The following ZNF658 variants were observed in gnomAD, a reference collection of about 807,000 sequenced individuals.
The protein encoded by ZNF658 is zinc finger protein 658.
Under a neutral mutation model 78.0 loss-of-function variants are expected in ZNF658, and 46 were observed. The observed-to-expected ratio is 0.59, with a 90% CI of 0.47 to 0.75. The LOEUF (loss-of-function observed/expected upper bound fraction) is 0.75. Ranked by LOEUF, ZNF658 falls within the 30% of genes least tolerant of loss-of-function variation. The pLI is 0.00. For missense variants in ZNF658, 785 were observed against 1,189.3 expected (o/e 0.66, Z 5.00); for synonymous variants, 279 against 408.4 (o/e 0.68, Z 3.82).
intron 2 of ZNF658, among the ~76,000 whole-genome samples, chr9:66,905,013 T>C (rs569269066): frequency 6.7e-6 from 1 of 148,580 alleles, no homozygotes; most frequent in South Asian, 2.1e-4. Context: ...AACACTCTGA[T>C]TCTCATGTCC....
intron 2 of ZNF658, among the ~76,000 whole-genome samples, chr9:66,904,814 T>C (rs1822035142): frequency 6.6e-6 from 1 of 152,096 alleles, no homozygotes; most frequent in African/African-American, 2.4e-5. Flanking sequence ...TCTCAGGTTT[T>C]GTTTACCTGG....
intron 6 of ZNF658, among the ~76,000 whole-genome samples, chr9:66,930,737 C>T (rs1341118610): frequency 6.6e-6 from 1 of 151,760 alleles, no homozygotes; most frequent in Non-Finnish European, 1.5e-5. Context: ...GTTGACTTTG[C>T]TGGGTTTTCT....
intron 4 of ZNF658, among the ~76,000 whole-genome samples, chr9:66,910,626 G>A (rs552938477): frequency 1.3e-3 from 197 of 152,100 alleles, no homozygotes; most frequent in Admixed American, 4.5e-3. Context: ...GGCTAACACG[G>A]TGAAACCCTG....
intron 4 of ZNF658, among the ~76,000 whole-genome samples, chr9:66,912,259 CGAA>C (rs1344353606): frequency 3.2e-5 from 3 of 93,228 alleles, no homozygotes; most frequent in African/African-American, 1.5e-4. Flanking sequence ...AACAAAAAGT[CGAA>C]TTCAGTTGGC....
downstream of ZNF658, among the ~76,000 whole-genome samples, chr9:66,922,499 T>G (rs1370035638): frequency 6.3e-4 from 75 of 119,594 alleles, no homozygotes; most frequent in Non-Finnish European, 6.6e-4. Context: ...GTAAATTTCT[T>G]TTAAAGATAA....
At chr9:66,904,260 A>G in intron 2 of ZNF658, among the ~76,000 whole-genome samples, 1 of 152,026 alleles carries the variant, frequency 6.6e-6, no homozygotes, top group East Asian at 1.9e-4. Context: ...GTCCCTACCC[A>G]TAGTATAATC....
At chr9:66,923,338 T>C (rs2118123742), downstream of ZNF658, among the ~76,000 whole-genome samples, 1 of 149,398 alleles carries the variant, frequency 6.7e-6, no homozygotes, top group East Asian at 2.0e-4. Flanking sequence ...TGGCAGCTGA[T>C]TAGATGGTGC....
chr9:66,917,680 T>G, intron 4 of ZNF658, 125 bp from the exon 5 acceptor site: 1 of 785,790 alleles, frequency 1.3e-6, no homozygotes, highest in Non-Finnish European at 1.9e-6. Flanking sequence ...GCCACTGCAC[T>G]CCAGCCTGGG....
Position 66,919,501 on chromosome 9 carries a change from C to G in ZNF658, c.1935C>G (p.Leu645=). The part of the protein sequence containing the change: ...CGRSFAHISV[L]KAHQRIHTGE... ...GGTCTTTTGCCCATATTTCTGTTCT[C>G]AAGGCACATCAAAGAATTCACACAG... The change falls in exon 5 of 5, where the codon CTC becomes CTG. Residue 645 remains leucine (L), a synonymous_variant. Coordinates refer to ENST00000621410, the MANE Select transcript of ZNF658 (RefSeq NM_033160.7). 1.2e-6 allele frequency: 2 copies of G among 1,607,122 alleles called. No individual in the cohort carries two copies. The highest frequency in any genetic ancestry group is 1.7e-6 in the Non-Finnish European group (2 of 1,176,728).
Position 66,918,369 on chromosome 9 carries a change from A to G in ZNF658, c.803A>G (p.Lys268Arg). Residue 268 changes from lysine (K) to arginine (R), a missense_variant, in exon 5 of 5, where the codon AAA (lysine) becomes AGA (arginine). By Grantham distance (26) the Lys-to-Arg change is conservative. Transcript: ENST00000621410. ...CACATGAGAACTGACACAAGGGGGA[A>G]ATGCTCTGATCTTAATGAATATGGG... The part of the protein sequence containing the change: ...FNHMRTDTRG[K>R]CSDLNEYGTS... 6.2e-7 allele frequency: 1 copy of G among 1,613,904 alleles called. No homozygotes were observed.
intron 6 of ZNF658, among the ~76,000 whole-genome samples, chr9:66,931,573 C>T (rs2118145671): frequency 6.6e-6 from 1 of 150,556 alleles, no homozygotes; most frequent in East Asian, 2.0e-4. Context: ...TAATCCTACG[C>T]TTGGTGAAAT....
chr9:66,904,989 T>A (rs1262124682), intron 2 of ZNF658, among the ~76,000 whole-genome samples: 19 of 151,292 alleles, frequency 1.3e-4, no homozygotes, highest in African/African-American at 4.6e-4. Context: ...AGCTTTCCGA[T>A]TGTCTGTCTT....
intron 4 of ZNF658, among the ~76,000 whole-genome samples, chr9:66,911,379 C>A (rs1205374711): frequency 1.4e-5 from 1 of 72,466 alleles, no homozygotes. Flanking sequence ...AAACAATATA[C>A]AAAAAAGTGT....
intron 4 of ZNF658, among the ~76,000 whole-genome samples, chr9:66,913,844 C>T (rs1401454577): frequency 8.4e-6 from 1 of 118,700 alleles, no homozygotes; most frequent in Non-Finnish European, 1.7e-5. Flanking sequence ...TGTTACTTCT[C>T]CACTGAACAG....
rs1301607252 is a variant in ZNF658, at chr9:66,920,544, C to T, written c.2978C>T (p.Pro993Leu). 9 of 1,341,692 alleles carry T rather than the reference C, an allele frequency of 6.7e-6. 2 individuals are homozygous for T. Among genetic ancestry groups the T allele is most frequent in the Non-Finnish European group, 9.3e-6 (9 of 966,172 alleles). The allele number at this position is 1,341,692 out of a possible 1,614,324, so 83.1% of individuals were successfully genotyped here. ...AHQRIHTGEK[P>L]YECNECGKAF... ...CAGAGAATTCACACAGGGGAGAAAC[C>T]CTATGAGTGTAATGAATGCGGAAAA... Residue 993 changes from proline (P) to leucine (L), a missense_variant, in exon 5 of 5, where the codon CCC (proline) becomes CTC (leucine). Pro to Leu is a moderately conservative substitution (Grantham distance 98). This residue lies in a region of ZNF658 where 24 missense variants were observed against 104.8 expected (regional missense o/e 0.23). Transcript: ENST00000621410.
At chr9:66,925,630 G>C (rs1822578841), downstream of ZNF658, among the ~76,000 whole-genome samples, 1 of 152,030 alleles carries the variant, frequency 6.6e-6, no homozygotes, top group South Asian at 2.1e-4. Flanking sequence ...CCTCCGACCT[G>C]ATGACTCTGC....
chr9:66,930,333 G>A (rs951009750), intron 6 of ZNF658, among the ~76,000 whole-genome samples: 10 of 145,292 alleles, frequency 6.9e-5, no homozygotes, highest in African/African-American at 2.5e-4. Context: ...AACACTAGGT[G>A]CTAGAAAACC....
rs764631561 is a variant in ZNF658 at position 66,919,513 on chromosome 9, A to C, written c.1947A>C (p.Gln649His). ...FAHISVLKAHQRIHTGEKPYE... is the reference protein window; with the variant it reads ...FAHISVLKAHHRIHTGEKPYE... ...ATATTTCTGTTCTCAAGGCACATCA[A>C]AGAATTCACACAGGGGAGAAACCCT... Residue 649 changes from glutamine (Q) to histidine (H), a missense_variant, in exon 5 of 5, where the codon CAA becomes CAC. Physicochemically the swap from Gln to His is conservative, Grantham distance 24. Coordinates refer to ENST00000621410, the MANE Select transcript of ZNF658 (RefSeq NM_033160.7). The C allele has an allele frequency of 2.5e-6, 4 of 1,581,248 alleles. No individual in the cohort carries two copies. The Admixed American group carries it at 7.0e-5, about 28-fold the overall frequency.
intron 6 of ZNF658, among the ~76,000 whole-genome samples, chr9:66,929,700 G>A (rs1229442686): frequency 4.3e-5 from 5 of 115,712 alleles, no homozygotes; most frequent in African/African-American, 1.6e-4. Flanking sequence ...AAGTAAAAGT[G>A]ATTCTTTAAA....
Sources: allele counts gnomAD v4.1 joint callset (sites outside exome capture counted in the v4.1 genomes callset), GRCh38; gene constraint gnomAD v4.1.1; regional missense constraint gnomAD v4.1.1; transcripts MANE v1.5; gene names NCBI Gene and HGNC (gene_info 2026-07-23, HGNC 2026-07-21).